HS6ST3: variants seen among roughly 807,000 people sequenced by gnomAD.
HS6ST3 encodes the protein heparan-sulfate 6-O-sulfotransferase 3.
A neutral mutation model predicts 36.7 loss-of-function variants in HS6ST3; 12 were observed. That is an observed-to-expected ratio of 0.33 (90% CI 0.21 to 0.53). HS6ST3 has a LOEUF of 0.53. Ranked by LOEUF, HS6ST3 falls within the 20% of genes least tolerant of loss-of-function variation. The probability of loss-of-function intolerance (pLI) is 0.95; values close to 1 mark genes in which losing one functional copy is unlikely to be tolerated. For synonymous variants in HS6ST3, 240 were observed against 257.5 expected (o/e 0.93, Z 0.65); for missense variants, 584 against 640.9 (o/e 0.91, Z 0.96).
chr13:96,199,223 G>A (rs1012442713), intron 1 of HS6ST3, among the ~76,000 whole-genome samples: 2 of 152,194 alleles, frequency 1.3e-5, no homozygotes, highest in Non-Finnish European at 2.9e-5. Context: ...TGGGGACACA[G>A]CCAAACCATA....
At chr13:96,508,108 A>G (rs556483415) in intron 1 of HS6ST3, among the ~76,000 whole-genome samples, 5 of 152,138 alleles carry the variant, frequency 3.3e-5, no homozygotes, top group African/African-American at 1.2e-4. Flanking sequence ...TTTGATATCC[A>G]CCGCCCACTA....
At chr13:96,246,484 T>G (rs2054585454) in intron 1 of HS6ST3, among the ~76,000 whole-genome samples, 1 of 152,224 alleles carries the variant, frequency 6.6e-6, no homozygotes, top group African/African-American at 2.4e-5. Context: ...GGGACAGTCC[T>G]GTAGAATCAG....
chr13:96,783,083 A>G (rs1415434245), intron 1 of HS6ST3, among the ~76,000 whole-genome samples: 1 of 152,238 alleles, frequency 6.6e-6, no homozygotes, highest in African/African-American at 2.4e-5. Context: ...TGTTTGTTCA[A>G]GGAACAAAGA....
chr13:96,493,968 G>C (rs2055959606), intron 1 of HS6ST3, among the ~76,000 whole-genome samples: 1 of 152,148 alleles, frequency 6.6e-6, no homozygotes, highest in Admixed American at 6.5e-5. Context: ...TTAGTTCAGA[G>C]TCGTGACTCA....
At chr13:96,270,204 CAAG>C (rs1380686384) in intron 1 of HS6ST3, among the ~76,000 whole-genome samples, 2 of 151,700 alleles carry the variant, frequency 1.3e-5, no homozygotes, top group African/African-American at 4.9e-5. Flanking sequence ...TGTGAGCACA[CAAG>C]GAGGAGGAGG....
At chr13:96,152,097 A>G (rs189761422) in intron 1 of HS6ST3, among the ~76,000 whole-genome samples, 6 of 152,266 alleles carry the variant, frequency 3.9e-5, no homozygotes, top group African/African-American at 1.2e-4. Context: ...CCAATAATCT[A>G]TGTTGAAAAT....
chr13:96,118,689 T>G (rs2053909886), intron 1 of HS6ST3, among the ~76,000 whole-genome samples: 2 of 29,550 alleles, frequency 6.8e-5, no homozygotes, highest in Non-Finnish European at 1.1e-4. Context: ...TATATATATA[T>G]TTTTTTTTTT....
At chr13:96,731,290 A>G (rs892315336) in intron 1 of HS6ST3, among the ~76,000 whole-genome samples, 5 of 152,126 alleles carry the variant, frequency 3.3e-5, no homozygotes, top group Non-Finnish European at 5.9e-5. Context: ...AACTATTTCC[A>G]TGAGATCAAC....
intron 1 of HS6ST3, among the ~76,000 whole-genome samples, chr13:96,178,787 G>A (rs527428943): frequency 6.6e-6 from 1 of 152,104 alleles, no homozygotes; most frequent in Non-Finnish European, 1.5e-5. Flanking sequence ...AATAGGGAAG[G>A]CTGGAATCAC....
intron 1 of HS6ST3, among the ~76,000 whole-genome samples, chr13:96,653,599 CA>C (rs2056614924): frequency 6.6e-6 from 1 of 152,128 alleles, no homozygotes; most frequent in Non-Finnish European, 1.5e-5. Context: ...TTTCTTTATC[CA>C]GTCTATCACT....
intron 1 of HS6ST3, among the ~76,000 whole-genome samples, chr13:96,442,926 G>A (rs925710811): frequency 6.6e-6 from 1 of 152,028 alleles, no homozygotes; most frequent in Admixed American, 6.6e-5. Flanking sequence ...ATTACATTAG[G>A]AGACTGGTCA....
At chr13:96,627,665 T>G (rs1307459301) in intron 1 of HS6ST3, among the ~76,000 whole-genome samples, 3 of 151,988 alleles carry the variant, frequency 2.0e-5, no homozygotes, top group Non-Finnish European at 4.4e-5. Context: ...GGCCTGCTAT[T>G]TTTTCTTTGT....
At chr13:96,124,691 T>C (rs1223954641) in intron 1 of HS6ST3, among the ~76,000 whole-genome samples, 1 of 152,188 alleles carries the variant, frequency 6.6e-6, no homozygotes, top group Admixed American at 6.5e-5. Context: ...ATTTTGCTGA[T>C]GTAAGGAGTC....
intron 1 of HS6ST3, among the ~76,000 whole-genome samples, chr13:96,173,581 A>G (rs2054198463): frequency 6.7e-6 from 1 of 149,008 alleles, no homozygotes; most frequent in Non-Finnish European, 1.5e-5. Context: ...AACATTGCCT[A>G]GTGTAATCAA....
At chr13:96,392,563 T>G (rs1167653691) in intron 1 of HS6ST3, among the ~76,000 whole-genome samples, 1 of 152,242 alleles carries the variant, frequency 6.6e-6, no homozygotes, top group East Asian at 1.9e-4. Flanking sequence ...CATGATCTGA[T>G]GTCCAAAGAA....
intron 1 of HS6ST3, among the ~76,000 whole-genome samples, chr13:96,594,028 C>T (rs2056392990): frequency 6.6e-6 from 1 of 151,720 alleles, no homozygotes. Context: ...GCGATCTCAG[C>T]TCACCGCGAT....
chr13:96,094,086 A>G (rs906520805), intron 1 of HS6ST3, among the ~76,000 whole-genome samples: 6 of 152,162 alleles, frequency 3.9e-5, no homozygotes, highest in African/African-American at 1.2e-4. Flanking sequence ...GATAAGAGTA[A>G]GGATTCTGGA....
At chr13:96,816,316 A>G (rs1344455980) in intron 1 of HS6ST3, among the ~76,000 whole-genome samples, 1 of 152,198 alleles carries the variant, frequency 6.6e-6, no homozygotes, top group East Asian at 1.9e-4. Context: ...GTAAACTGGG[A>G]ATGAAACTTG....
intron 1 of HS6ST3, among the ~76,000 whole-genome samples, chr13:96,727,022 T>C (rs1034228127): frequency 1.3e-5 from 2 of 152,224 alleles, no homozygotes; most frequent in Admixed American, 6.5e-5. Flanking sequence ...CCTTTTGTCA[T>C]CTACTTAAGT....
Sources: gnomAD v4.1 joint callset for allele counts (sites outside exome capture counted in the v4.1 genomes callset) on GRCh38, gnomAD v4.1.1 for gene constraint, MANE v1.5 for transcripts, NCBI Gene and HGNC (gene_info 2026-07-23, HGNC 2026-07-21) for gene names.